Variants in IDH3G observed in about 807,000 individuals in gnomAD.
IDH3G encodes isocitrate dehydrogenase (NAD(+)) 3 non-catalytic subunit gamma, also known as isocitrate dehydrogenase [NAD] subunit gamma, mitochondrial.
Under a neutral mutation model 26.9 loss-of-function variants are expected in IDH3G, and 9 were observed. The ratio of observed to expected loss-of-function variants is 0.34; its 90% CI spans 0.20 to 0.58. The LOEUF is 0.58. Ranked by LOEUF, IDH3G falls within the 20% of genes least tolerant of loss-of-function variation. The pLI is 0.85. For synonymous variants in IDH3G, 181 were observed against 160.0 expected (o/e 1.13, Z -0.99); for missense variants, 250 against 372.8 (o/e 0.67, Z 2.71).
Position 153,787,542 on chromosome X carries a change from C to A in IDH3G, c.596G>T (p.Arg199Leu). 8.3e-7 allele frequency: 1 copy of A among 1,211,227 alleles called. No homozygotes were observed. ...CAGCTTGAAGGCATACTCGGCAATGCGCAGGGACTTGGCCTTGGTGATGAT... is the reference window on the plus strand; with the variant it reads ...CAGCTTGAAGGCATACTCGGCAATGAGCAGGGACTTGGCCTTGGTGATGAT... ...LKIITKAKSL[R>L]IAEYAFKLAQ... Residue 199 changes from arginine to leucine, a missense_variant, in exon 8 of 13, where the codon CGC (arginine) becomes CTC (leucine). Arg to Leu is a moderately radical substitution (Grantham distance 102). This residue lies in a region of IDH3G where 201 missense variants were observed against 331.3 expected (regional missense o/e 0.61). Coordinates refer to ENST00000217901, the MANE Select transcript of IDH3G (RefSeq NM_004135.4).
Position 153,787,608 on chromosome X carries a change from C to T in IDH3G, c.541-11G>A. Reference sequence around the variant, plus strand: ...CACTCCCGCCACACTCTGAGGAGGGCATGGGGAGAAGAGACCCATGTGCTA... The same window carrying T: ...CACTCCCGCCACACTCTGAGGAGGGTATGGGGAGAAGAGACCCATGTGCTA... On this transcript the variant is annotated splice_polypyrimidine_tract_variant and intron_variant, in intron 7 of 12. Transcript: ENST00000217901. 8.3e-7 allele frequency: 1 copy of T among 1,209,217 alleles called. No individual in the cohort carries two copies. The highest frequency in any genetic ancestry group is 1.1e-6 in the Non-Finnish European group (1 of 894,238).
At chrX:153,794,200 TC>T (rs1172303248) in intron 1 of IDH3G, 45 bp downstream of exon 1, 7 of 1,138,904 alleles carry the variant, frequency 6.1e-6, no homozygotes, top group Non-Finnish European at 7.0e-6. Context: ...ACCCCACCGC[TC>T]CCCTGCGACC....
At position 153,787,172 on chromosome X, in the gene IDH3G, T is replaced by G. The variant is rs782033222; in HGVS notation, c.675-19A>C. On this transcript the variant is annotated intron_variant, in intron 8 of 12. Transcript: ENST00000217901. ...CAGTTTCCTGGTGGGGGGTTAGGAATAGGACACCAGCTTGGCCATCGCAAC... is the reference window on the plus strand; with the variant it reads ...CAGTTTCCTGGTGGGGGGTTAGGAAGAGGACACCAGCTTGGCCATCGCAAC... The G allele has an allele frequency of 2.6e-6, 3 of 1,143,113 alleles. No homozygotes were observed. The highest frequency in any genetic ancestry group is 6.0e-5 in the East Asian group (2 of 33,232). 94.2% of individuals were successfully genotyped at this position (1,143,113 alleles called of 1,213,427 possible). A position where few individuals can be genotyped will look rare whatever the true frequency, so the allele number is the denominator to read the frequency against.
chrX:153,792,479 C>G (rs1473360141), intron 1 of IDH3G: 1 of 112,389 alleles, frequency 8.9e-6, no homozygotes, highest in Non-Finnish European at 1.9e-5. Flanking sequence ...TAGTGCCACA[C>G]AGCACGCCTG....
Position 153,786,801 on chromosome X carries a change from T to A in IDH3G, c.924A>T (p.Thr308=). 8.3e-7 allele frequency: 1 copy of A among 1,200,147 alleles called. No individual in the cohort carries two copies. Among genetic ancestry groups the A allele is most frequent in the Non-Finnish European group, 1.1e-6 (1 of 886,943 alleles). The change falls in exon 10 of 13, where the codon ACA becomes ACT. Residue 308 remains threonine (T), a splice_region_variant and synonymous_variant. Transcript: ENST00000217901. ...NYGHVYAVFE[T]ATRNTGKSIA... is the part of the protein sequence containing the mutation. Reference sequence around the variant, plus strand: ...CCGCGGCACTGCCACCGGCACTCACTGTTTCAAACACCGCGTACACATGGC... The same window carrying A: ...CCGCGGCACTGCCACCGGCACTCACAGTTTCAAACACCGCGTACACATGGC...
chrX:153,786,110 C>T, intron 12 of IDH3G, 102 bp downstream of exon 12: 1 of 1,196,650 alleles, frequency 8.4e-7, no homozygotes, highest in Non-Finnish European at 1.1e-6. Flanking sequence ...GATCCAGTAC[C>T]ATCCTCCCCT....
At chrX:153,790,904 A>T (rs1569542749) in intron 1 of IDH3G, 53 bp from the exon 2 acceptor site, 1 of 1,133,801 alleles carries the variant, frequency 8.8e-7, no homozygotes, top group East Asian at 3.0e-5. Flanking sequence ...CAGAAAGCCA[A>T]GTTGGAAGGA....
At chrX:153,793,965 C>G (rs1404944143) in intron 1 of IDH3G, 11 of 270,157 alleles carry the variant, frequency 4.1e-5, no homozygotes, top group Non-Finnish European at 5.3e-5. Flanking sequence ...AGGGCTCCTT[C>G]AAGGACACTA....
chrX:153,788,106 G>A lies in IDH3G; in HGVS notation c.376C>T (p.Pro126Ser). The A allele has an allele frequency of 8.2e-7, 1 of 1,212,323 alleles. No individual in the cohort carries two copies. The highest frequency in any genetic ancestry group is 1.1e-6 in the Non-Finnish European group (1 of 895,588). The change falls in exon 6 of 13, where the codon CCG becomes TCG. Residue 126 changes from proline to serine, a missense_variant. Transcript: ENST00000217901. ...ATGTTGTTTCGAGATTTGTGCGACGGTGGCAGGTTATGGTTGGTTTCGATG... is the reference window on the plus strand; with the variant it reads ...ATGTTGTTTCGAGATTTGTGCGACGATGGCAGGTTATGGTTGGTTTCGATG... ...GNIETNHNLPPSHKSRNNILR... is the reference protein window; with the variant it reads ...GNIETNHNLPSSHKSRNNILR...
intron 3 of IDH3G, 82 bp from the exon 4 acceptor site, chrX:153,790,374 CCTT>C: frequency 1.0e-6 from 1 of 957,406 alleles, no homozygotes; most frequent in Non-Finnish European, 1.5e-6. Flanking sequence ...AAGCCAATTC[CCTT>C]CTTCCCACTG....
At chrX:153,790,626 C>T in intron 2 of IDH3G, 51 bp from the exon 3 acceptor site, 2 of 1,175,964 alleles carry the variant, frequency 1.7e-6, no homozygotes, top group Non-Finnish European at 2.3e-6. Flanking sequence ...GTTCCAAGAG[C>T]AAGGCCGTGA....
intron 1 of IDH3G, chrX:153,793,823 GTTCT>G (rs782175547): frequency 8.7e-6 from 1 of 114,476 alleles, no homozygotes; most frequent in Non-Finnish European, 1.8e-5. Context: ...GCAAAGTCCG[GTTCT>G]TTGCCACCGG....
At chrX:153,789,927 G>A in intron 4 of IDH3G, 103 bp from the exon 5 acceptor site, 1 of 560,739 alleles carries the variant, frequency 1.8e-6, no homozygotes, top group Non-Finnish European at 3.0e-6. Context: ...GCCCTGACCT[G>A]GCTCTGACTG....
intron 5 of IDH3G, among the ~76,000 whole-genome samples, chrX:153,788,495 T>C (rs1335759431): frequency 2.7e-5 from 3 of 112,782 alleles, no homozygotes; most frequent in African/African-American, 9.7e-5. Context: ...GCTAGCAAGG[T>C]GGCCTTGGCG....
chrX:153,789,888 C>G, intron 4 of IDH3G, 64 bp from the exon 5 acceptor site: 1 of 732,977 alleles, frequency 1.4e-6, no homozygotes, highest in Non-Finnish European at 2.1e-6. Flanking sequence ...AGGAAGCCTG[C>G]CCAGGCTACC....
At chrX:153,790,339 C>G (rs782483697) in intron 3 of IDH3G, 47 bp from the exon 4 acceptor site, 2 of 1,069,292 alleles carry the variant, frequency 1.9e-6, no homozygotes, top group East Asian at 6.0e-5. Context: ...ATCCCACATG[C>G]CCCCAGCTCG....
rs189834145 is a variant in IDH3G, at chrX:153,785,982, C to T, written c.1081-9G>A. The T allele has an allele frequency of 5.8e-6, 7 of 1,209,849 alleles. No homozygotes were observed. The African/African-American group carries it at 1.2e-4, about 21-fold the overall frequency. ...ATGTCCGGAGTGTGCATCTGTAGGA[C>T]ACAGGCAGGCTCGGCACACACCAGG... is the stretch of plus-strand genomic sequence containing the variant. On this transcript the variant is annotated splice_polypyrimidine_tract_variant and intron_variant, in intron 12 of 12. Transcript: ENST00000217901.
intron 1 of IDH3G, chrX:153,793,729 G>C (rs1480552361): frequency 8.9e-6 from 1 of 112,218 alleles, no homozygotes; most frequent in Admixed American, 9.4e-5. Context: ...CGCAGCCTCA[G>C]AAACCCTAGC....
chrX:153,786,666 C>T, intron 10 of IDH3G, 135 bp downstream of exon 10: 1 of 757,282 alleles, frequency 1.3e-6, no homozygotes, highest in African/African-American at 2.1e-5. Context: ...GTGGTGACGG[C>T]AGTACAACCC....
Sources: gnomAD v4.1 joint callset for allele counts (sites outside exome capture counted in the v4.1 genomes callset) on GRCh38, gnomAD v4.1.1 for gene constraint, gnomAD v4.1.1 regional missense constraint, MANE v1.5 for transcripts, NCBI Gene and HGNC (gene_info 2026-07-23, HGNC 2026-07-21) for gene names.